Variants in PLA2G4E observed in about 807,000 individuals in gnomAD.
PLA2G4E encodes phospholipase A2 group IVE.
In PLA2G4E, 84 loss-of-function variants were observed where a neutral mutation model predicts 109.1. That is an observed-to-expected ratio of 0.77 (90% CI 0.65 to 0.92). The LOEUF (loss-of-function observed/expected upper bound fraction) is 0.92, where lower values mean the gene tolerates loss of function less well. Among genes scored for constraint, PLA2G4E ranks in the 40% least tolerant of loss-of-function variants. The pLI is 0.00. For missense variants in PLA2G4E, 1,057 were observed against 1,076.6 expected (o/e 0.98, Z 0.25); for synonymous variants, 469 against 436.1 (o/e 1.08, Z -0.94).
chr15:41,986,124 C>T (rs575523311), intron 17 of PLA2G4E, 119 bp from the exon 18 acceptor site: 28 of 1,059,354 alleles, frequency 2.6e-5, no homozygotes, highest in Admixed American at 7.1e-5. Flanking sequence ...CTGACCAGGA[C>T]GCCCACTGAG....
chr15:41,994,308 G>GA (rs574733543), intron 12 of PLA2G4E, among the ~76,000 whole-genome samples: 1 of 151,794 alleles, frequency 6.6e-6, no homozygotes, highest in South Asian at 2.1e-4. Flanking sequence ...CCCCCCGGGG[G>GA]GGTGTGTGGC....
chr15:41,997,327 G>A, intron 10 of PLA2G4E, 68 bp from the exon 11 acceptor site: 1 of 1,411,286 alleles, frequency 7.1e-7, no homozygotes. Context: ...ACAGCTTCAG[G>A]GTCCATTGGA....
intron 1 of PLA2G4E, among the ~76,000 whole-genome samples, chr15:42,039,580 T>C (rs1358796691): frequency 6.6e-6 from 1 of 152,120 alleles, no homozygotes. Flanking sequence ...TGTATGTATA[T>C]ACACATATAC....
intron 11 of PLA2G4E, among the ~76,000 whole-genome samples, chr15:41,996,619 C>G (rs1228856343): frequency 6.6e-6 from 1 of 152,204 alleles, no homozygotes; most frequent in Non-Finnish European, 1.5e-5. Flanking sequence ...GACAGAGGCC[C>G]ACCGTCTGCT....
intron 11 of PLA2G4E, among the ~76,000 whole-genome samples, chr15:41,996,386 AGGAAG>A (rs2068341858): frequency 7.8e-6 from 1 of 128,190 alleles, no homozygotes; most frequent in Non-Finnish European, 1.6e-5. Context: ...AAAAGGAGGG[AGGAAG>A]GGGCTCTTTG....
At chr15:42,004,790 T>C in intron 5 of PLA2G4E, 148 bp downstream of exon 5, 3 of 858,556 alleles carry the variant, frequency 3.5e-6, no homozygotes, top group Non-Finnish European at 5.7e-6. Context: ...GTGATTCTGA[T>C]GCACAGTGAA....
In PLA2G4E at chr15:41,983,977, G is replaced by A; in HGVS notation, c.2387-3C>T. The A allele has an allele frequency of 2.5e-6, 4 of 1,600,928 alleles. No individual in the cohort carries two copies. The highest frequency in any genetic ancestry group is 2.2e-5 in the South Asian group (2 of 88,910). ...CTCCTCAGGGCTTCGCTCTACACCT[G>A]TGGGCAGCAGGATGACTTGTTATAG... On this transcript the variant is annotated splice_region_variant and splice_polypyrimidine_tract_variant and intron_variant, in intron 19 of 19. Coordinates refer to ENST00000399518, the Ensembl canonical transcript of PLA2G4E.
At chr15:42,008,507 C>T (rs1196673999) in intron 2 of PLA2G4E, among the ~76,000 whole-genome samples, 1 of 152,244 alleles carries the variant, frequency 6.6e-6, no homozygotes, top group African/African-American at 2.4e-5. Context: ...ACCCTCCCCT[C>T]TGTGGCCACA....
At chr15:41,999,462 T>C (rs376561601) in intron 10 of PLA2G4E, 62 bp downstream of exon 10, 2 of 1,249,618 alleles carry the variant, frequency 1.6e-6, no homozygotes, top group African/African-American at 3.0e-5. Context: ...CACAGTGAGA[T>C]ACCACTGCAC....
At chr15:42,016,396 C>T (rs1000902997) in intron 1 of PLA2G4E, among the ~76,000 whole-genome samples, 3 of 151,728 alleles carry the variant, frequency 2.0e-5, no homozygotes, top group South Asian at 2.1e-4. Flanking sequence ...AATGCAGTGG[C>T]GGGATATCTT....
intron 12 of PLA2G4E, among the ~76,000 whole-genome samples, chr15:41,993,291 A>G (rs2068282014): frequency 6.6e-6 from 1 of 152,180 alleles, no homozygotes; most frequent in African/African-American, 2.4e-5. Flanking sequence ...AAGCTACTTA[A>G]TCACCGTTCC....
At chr15:41,990,862 T>C (rs1426291010) in intron 13 of PLA2G4E, among the ~76,000 whole-genome samples, 1 of 148,656 alleles carries the variant, frequency 6.7e-6, no homozygotes, top group Non-Finnish European at 1.5e-5. Context: ...ACAGTCCACC[T>C]CCCAAAGTGA....
At chr15:41,984,479 G>A (rs1370702719) in exon 19 of PLA2G4E, 1 of 1,613,878 alleles carries the variant, frequency 6.2e-7, no homozygotes, top group Non-Finnish European at 8.5e-7. Context: ...TGAGTGGGAA[G>A]AAAGTCACGA....
In PLA2G4E at chr15:42,043,112, G is replaced by C. The variant is rs115346949; in HGVS notation, c.183+7409C>G. On this transcript the variant is annotated intron_variant, in intron 1 of 19. Transcript: ENST00000399518. Reference sequence around the variant, plus strand: ...GAGGAGACTCCTACACTGGGCAAGCGGGGGTGGCTCTGGAAACCTAATGAT... The same window carrying C: ...GAGGAGACTCCTACACTGGGCAAGCCGGGGTGGCTCTGGAAACCTAATGAT... 9.3e-3 allele frequency among the ~76,000 whole-genome samples: 1,413 copies of C among 152,260 alleles called. 19 individuals carry two copies. Among genetic ancestry groups the C allele is most frequent in the African/African-American group, 0.033 (1,359 of 41,538 alleles).
intron 10 of PLA2G4E, 182 bp from the exon 11 acceptor site, chr15:41,997,441 T>C: frequency 1.8e-6 from 1 of 555,052 alleles, no homozygotes; most frequent in Non-Finnish European, 2.9e-6. Flanking sequence ...CTCAGCACTG[T>C]CTTCAGCACT....
chr15:42,000,544 C>T (rs1338613852), intron 7 of PLA2G4E, among the ~76,000 whole-genome samples: 1 of 152,210 alleles, frequency 6.6e-6, no homozygotes, highest in East Asian at 1.9e-4. Context: ...AGGACCAGTC[C>T]TTGGCTCAGC....
intron 10 of PLA2G4E, chr15:41,999,143 C>T (rs2068385412): frequency 2.5e-5 from 4 of 157,876 alleles, no homozygotes; most frequent in African/African-American, 9.6e-5. Flanking sequence ...ACCAAAAGCA[C>T]AAGTGACAAG....
chr15:42,032,213 A>G (rs1889125197), intron 1 of PLA2G4E, among the ~76,000 whole-genome samples: 1 of 152,200 alleles, frequency 6.6e-6, no homozygotes, highest in Non-Finnish European at 1.5e-5. Flanking sequence ...TTTGTAAATT[A>G]CCTAGTCTCA....
intron 2 of PLA2G4E, among the ~76,000 whole-genome samples, chr15:42,013,097 G>T (rs2068553765): frequency 1.3e-5 from 2 of 152,212 alleles, no homozygotes. Context: ...GGTTAGGGCT[G>T]CCAGGAAACA....
Sources: gnomAD v4.1 joint callset for allele counts (sites outside exome capture counted in the v4.1 genomes callset) on GRCh38, gnomAD v4.1.1 for gene constraint, MANE v1.5 for transcripts, NCBI Gene and HGNC (gene_info 2026-07-23, HGNC 2026-07-21) for gene names.